Variants in PPP4R4 observed in about 807,000 individuals in gnomAD.
PPP4R4 encodes protein phosphatase 4 regulatory subunit 4, also known as serine/threonine-protein phosphatase 4 regulatory subunit 4.
PPP4R4 carries 70 observed loss-of-function variants against 121.8 expected under a neutral mutation model. That is an observed-to-expected ratio of 0.57 (90% confidence interval 0.47 to 0.70). The LOEUF (loss-of-function observed/expected upper bound fraction) is 0.70. Among genes scored for constraint, PPP4R4 ranks in the 30% least tolerant of loss-of-function variants. The pLI, the probability that PPP4R4 is intolerant of heterozygous loss-of-function variation, is 0.00. For missense variants in PPP4R4, 875 were observed against 1,033.6 expected (o/e 0.85, Z 2.10); for synonymous variants, 348 against 355.7 (o/e 0.98, Z 0.24).
chr14:94,226,048 A>G (rs1425833326), intron 3 of PPP4R4, among the ~76,000 whole-genome samples: 1 of 152,166 alleles, frequency 6.6e-6, no homozygotes, highest in East Asian at 1.9e-4. Flanking sequence ...TTTGAAAAGC[A>G]CATCCTTTCT....
At chr14:94,180,011 A>G (rs773066977) in intron 2 of PPP4R4, among the ~76,000 whole-genome samples, 8 of 152,218 alleles carry the variant, frequency 5.3e-5, no homozygotes, top group East Asian at 1.9e-4. Context: ...TTTATTATCT[A>G]TGTGACAGTG....
chr14:94,185,886 T>C (rs556453956), intron 2 of PPP4R4, among the ~76,000 whole-genome samples: 1 of 152,166 alleles, frequency 6.6e-6, no homozygotes, highest in Non-Finnish European at 1.5e-5. Flanking sequence ...CCTGTGTAAC[T>C]AGCACAAAAT....
At chr14:94,212,062 C>T (rs1315122353) in intron 3 of PPP4R4, among the ~76,000 whole-genome samples, 1 of 151,938 alleles carries the variant, frequency 6.6e-6, no homozygotes, top group Non-Finnish European at 1.5e-5. Context: ...AGATTTTTAC[C>T]ACATTTATAA....
chr14:94,188,604 T>G (rs1169765600), intron 2 of PPP4R4, among the ~76,000 whole-genome samples: 1 of 152,148 alleles, frequency 6.6e-6, no homozygotes, highest in Non-Finnish European at 1.5e-5. Context: ...CACACTTATA[T>G]AAACATTTAT....
At chr14:94,200,492 A>G (rs976392368) in intron 2 of PPP4R4, among the ~76,000 whole-genome samples, 34 of 152,308 alleles carry the variant, frequency 2.2e-4, no homozygotes, top group African/African-American at 7.9e-4. Context: ...CAATTTTTAA[A>G]TTACAATTTC....
intron 2 of PPP4R4, among the ~76,000 whole-genome samples, chr14:94,179,853 T>C (rs1025783494): frequency 2.0e-5 from 3 of 152,190 alleles, no homozygotes; most frequent in African/African-American, 7.2e-5. Context: ...AGCTTTCTTG[T>C]TGTTGTTCTT....
intron 8 of PPP4R4, among the ~76,000 whole-genome samples, chr14:94,239,442 T>TG (rs1315260773): frequency 3.4e-5 from 5 of 147,714 alleles, no homozygotes; most frequent in Non-Finnish European, 7.4e-5. Context: ...AGTGAGAACT[T>TG]GCGGTGTTTG....
intron 19 of PPP4R4, among the ~76,000 whole-genome samples, chr14:94,264,352 A>T (rs922308572): frequency 6.6e-6 from 1 of 151,954 alleles, no homozygotes; most frequent in African/African-American, 2.4e-5. Context: ...GGGTTTCATC[A>T]TGTTGGCCTG....
intron 23 of PPP4R4, among the ~76,000 whole-genome samples, chr14:94,268,023 A>T (rs1444814629): frequency 3.3e-5 from 5 of 152,230 alleles, no homozygotes; most frequent in Non-Finnish European, 5.9e-5. Context: ...ATCGCAAGAA[A>T]TAATTTGATA....
At position 94,250,287 on chromosome 14, in the gene PPP4R4, C is replaced by A; in HGVS notation, c.1717+10C>A. On this transcript the variant is annotated intron_variant, in intron 15 of 24. Transcript: ENST00000304338. ...CAAAAATTAATTGAACGTAAGTAAT[C>A]ATTGTCTACTATTTTGAAAAAGGAA... 1.9e-6 allele frequency: 3 copies of A among 1,547,836 alleles called. No individual in the cohort carries two copies. The highest frequency in any genetic ancestry group is 2.7e-6 in the Non-Finnish European group (3 of 1,121,448).
chr14:94,228,354 G>A (rs544657703), intron 3 of PPP4R4, among the ~76,000 whole-genome samples: 8 of 152,304 alleles, frequency 5.3e-5, no homozygotes, highest in Admixed American at 5.2e-4. Context: ...AGAGTTGCCA[G>A]TTATTAGCTT....
At position 94,237,603 on chromosome 14, in the gene PPP4R4, T is replaced by C. The variant is rs1427178884; in HGVS notation, c.770T>C (p.Ile257Thr). 1 of 1,612,884 alleles carries C rather than the reference T, an allele frequency of 6.2e-7. No homozygotes were observed. ...AAAAGTGTGGTGCTCCCTGAATTAA[T>C]AGAACTTTCTAGGGATGAAGGCAGC... ...LTKSVVLPEL[I>T]ELSRDEGSSV... Residue 257 changes from isoleucine (I) to threonine (T), a missense_variant, in exon 8 of 25, where the codon ATA becomes ACA. Physicochemically the swap from Ile to Thr is moderately conservative, Grantham distance 89 (BLOSUM62 -1). Coordinates refer to ENST00000304338, the MANE Select transcript of PPP4R4 (RefSeq NM_058237.2).
At chr14:94,175,936 T>A (rs1888656860) in intron 1 of PPP4R4, 118 bp from the exon 2 acceptor site, 3 of 792,916 alleles carry the variant, frequency 3.8e-6, no homozygotes, top group African/African-American at 1.7e-5. Flanking sequence ...TTTTCATTGT[T>A]AATGCTTAAT....
At chr14:94,187,039 G>A (rs1889322084) in intron 2 of PPP4R4, among the ~76,000 whole-genome samples, 1 of 152,088 alleles carries the variant, frequency 6.6e-6, no homozygotes, top group African/African-American at 2.4e-5. Flanking sequence ...GTTAGGCCGA[G>A]CGTGGTGGCT....
chr14:94,218,499 C>A (rs1328823703), intron 3 of PPP4R4, among the ~76,000 whole-genome samples: 1 of 100,436 alleles, frequency 1.0e-5, no homozygotes, highest in African/African-American at 4.2e-5. Flanking sequence ...CCCTAGACAC[C>A]GCACGCGCGC....
In PPP4R4 at chr14:94,242,318, C is replaced by T. The variant is rs1237880718; in HGVS notation, c.1176C>T (p.Asn392=). ...PAMIVFVDPK[N]FHMELYSTFF... ...TGATTGTTTTTGTTGATCCTAAAAA[C>T]TTCCACATGGAACTCTATTCTACAT... The change falls in exon 11 of 25, where the codon AAC becomes AAT. Residue 392 remains asparagine, a synonymous_variant. Coordinates refer to ENST00000304338, the MANE Select transcript of PPP4R4 (RefSeq NM_058237.2). 6.2e-7 allele frequency: 1 copy of T among 1,611,096 alleles called. No homozygotes were observed. The highest frequency in any genetic ancestry group is 1.3e-5 in the African/African-American group (1 of 74,958).
At chr14:94,179,849 CTTG>C (rs1233336496) in intron 2 of PPP4R4, among the ~76,000 whole-genome samples, 8 of 152,164 alleles carry the variant, frequency 5.3e-5, no homozygotes, top group South Asian at 2.1e-4. Context: ...GGCAAGCTTT[CTTG>C]TTGTTGTTCT....
chr14:94,255,328 G>A (rs757335487), intron 16 of PPP4R4, among the ~76,000 whole-genome samples: 12 of 151,744 alleles, frequency 7.9e-5, no homozygotes, highest in Non-Finnish European at 8.8e-5. Flanking sequence ...ACTGGGCGCG[G>A]TGGCTCCTGC....
chr14:94,246,659 G>A, intron 14 of PPP4R4, 120 bp downstream of exon 14: 1 of 1,127,614 alleles, frequency 8.9e-7, no homozygotes, highest in South Asian at 1.7e-5. Context: ...TACCTAGGAG[G>A]ATGTCAGCTT....
Sources: gnomAD v4.1 joint callset for allele counts (sites outside exome capture counted in the v4.1 genomes callset) on GRCh38, gnomAD v4.1.1 for gene constraint, MANE v1.5 for transcripts, NCBI Gene and HGNC (gene_info 2026-07-23, HGNC 2026-07-21) for gene names.